TENM3: variants seen among roughly 807,000 people sequenced by gnomAD.
TENM3 encodes teneurin-3.
In TENM3, 63 loss-of-function variants were observed where a neutral mutation model predicts 255.1. The observed-to-expected ratio is 0.25, with a 90% CI of 0.20 to 0.30. TENM3 has a LOEUF of 0.30. Among genes scored for constraint, TENM3 ranks in the 10% least tolerant of loss-of-function variants. The probability of loss-of-function intolerance (pLI) is 1.00; values close to 1 mark genes in which losing one functional copy is unlikely to be tolerated. For missense variants in TENM3, 2,929 were observed against 3,461.1 expected (o/e 0.85, Z 3.86); for synonymous variants, 1,306 against 1,322.3 (o/e 0.99, Z 0.27).
chr4:181,644,731 CA>C, the TENM3 span, among the ~76,000 whole-genome samples: 2 of 151,880 alleles, frequency 1.3e-5, no homozygotes, highest in Non-Finnish European at 2.9e-5. Flanking sequence ...GCTTATTACC[CA>C]GATTCTCACC....
At chr4:181,696,792 G>A in the TENM3 span, among the ~76,000 whole-genome samples, 633 of 152,288 alleles carry the variant, frequency 4.2e-3, 5 homozygotes, top group African/African-American at 0.015. Flanking sequence ...GTGAGTTACA[G>A]GGGCAGAGAT....
chr4:182,655,678 C>T (rs909549667), intron 6 of TENM3, among the ~76,000 whole-genome samples: 2 of 152,120 alleles, frequency 1.3e-5, no homozygotes, highest in South Asian at 2.1e-4. Flanking sequence ...TCCTATCAGT[C>T]GCAGAGGTTT....
chr4:181,687,833 G>GTGC, the TENM3 span, among the ~76,000 whole-genome samples: 1 of 152,148 alleles, frequency 6.6e-6, no homozygotes, highest in Admixed American at 6.5e-5. Context: ...ACTGCTCCAA[G>GTGC]ACCTCTACAA....
At chr4:182,058,537 T>G in the TENM3 span, among the ~76,000 whole-genome samples, 44 of 151,024 alleles carry the variant, frequency 2.9e-4, no homozygotes, top group African/African-American at 1.0e-3. Flanking sequence ...AGCTCCTTTA[T>G]CTAGAACATA....
intron 3 of TENM3, among the ~76,000 whole-genome samples, chr4:182,577,652 G>T (rs530924908): frequency 6.6e-6 from 1 of 152,170 alleles, no homozygotes; most frequent in Non-Finnish European, 1.5e-5. Context: ...AAATGCACGC[G>T]CTCTATTAAC....
chr4:182,642,824 A>G (rs1259518756), intron 5 of TENM3, among the ~76,000 whole-genome samples: 2 of 152,222 alleles, frequency 1.3e-5, no homozygotes, highest in East Asian at 3.8e-4. Context: ...ACTAGAGTGC[A>G]TATTAATATG....
chr4:182,198,823 A>G (rs1347122336), intron 1 of TENM3, among the ~76,000 whole-genome samples: 1 of 152,196 alleles, frequency 6.6e-6, no homozygotes, highest in African/African-American at 2.4e-5. Context: ...CAGGTGTAAA[A>G]CCATGGTCTG....
chr4:182,597,008 C>A (rs1581054163), intron 3 of TENM3, among the ~76,000 whole-genome samples: 1 of 152,300 alleles, frequency 6.6e-6, no homozygotes, highest in East Asian at 1.9e-4. Flanking sequence ...TCCTTAAACA[C>A]TTTTATAGTC....
intron 3 of TENM3, among the ~76,000 whole-genome samples, chr4:182,436,470 A>G (rs1772053980): frequency 6.6e-6 from 1 of 152,134 alleles, no homozygotes; most frequent in Admixed American, 6.5e-5. Flanking sequence ...CTGTTAGGAA[A>G]CTGGTGATGC....
At position 182,393,180 on chromosome 4, in the gene TENM3, T is replaced by C. The variant is rs145360288; in HGVS notation, c.511+46251T>C. ...TACTTAAATCTTTACATCTGAATCCTGTTCCTGCTTATTTTCCTGCACTTG... is the reference window on the plus strand; with the variant it reads ...TACTTAAATCTTTACATCTGAATCCCGTTCCTGCTTATTTTCCTGCACTTG... On this transcript the variant is annotated intron_variant, in intron 3 of 27. Coordinates refer to ENST00000511685, the MANE Select transcript of TENM3 (RefSeq NM_001080477.4). Among the ~76,000 whole-genome samples, 10 of 152,356 alleles carry C rather than the reference T, an allele frequency of 6.6e-5. No individual in the cohort carries two copies. The East Asian group carries it at 1.7e-3, about 27-fold the overall frequency.
intron 3 of TENM3, among the ~76,000 whole-genome samples, chr4:182,532,546 T>TA (rs777055601): frequency 2.1e-4 from 32 of 152,336 alleles, no homozygotes; most frequent in Admixed American, 5.9e-4. Flanking sequence ...GGCATTTTAA[T>TA]AAAAAATTTT....
At chr4:181,665,657 A>G in the TENM3 span, among the ~76,000 whole-genome samples, 1 of 152,116 alleles carries the variant, frequency 6.6e-6, no homozygotes, top group Non-Finnish European at 1.5e-5. Flanking sequence ...ATATACATAT[A>G]CAGACATATT....
At chr4:182,141,715 G>T (rs1377340314), upstream of TENM3, 1 of 152,200 alleles carries the variant, frequency 6.6e-6, no homozygotes, top group African/African-American at 2.4e-5. Flanking sequence ...ATGTAAGAAG[G>T]AACTGGGCTA....
chr4:182,441,529 G>A (rs754645849), intron 3 of TENM3, among the ~76,000 whole-genome samples: 50 of 152,044 alleles, frequency 3.3e-4, no homozygotes, highest in Non-Finnish European at 4.7e-4. Flanking sequence ...ATGGAGTCTC[G>A]CTCTGTTGCC....
the TENM3 span, among the ~76,000 whole-genome samples, chr4:181,764,065 T>C: frequency 6.6e-6 from 1 of 152,194 alleles, no homozygotes; most frequent in Non-Finnish European, 1.5e-5. Flanking sequence ...AGTGGAACAA[T>C]TCAAACTTGA....
Position 182,484,933 on chromosome 4 carries a change from G to A in TENM3, c.512-115991G>A, listed in dbSNP as rs915708531. On this transcript the variant is annotated intron_variant, in intron 3 of 27. Transcript: ENST00000511685. ...GTTCTCTAATGGCCACAGATACTCC[G>A]TGTTTTAAGCCATGTTAGACATTTT... Among the ~76,000 whole-genome samples, 7 of 152,020 alleles carry A rather than the reference G, an allele frequency of 4.6e-5. No homozygotes were observed. In the South Asian group the frequency reaches 1.2e-3, roughly 27 times the overall value.
chr4:182,490,734 G>C (rs1022430238), intron 3 of TENM3, among the ~76,000 whole-genome samples: 1 of 18,440 alleles, frequency 5.4e-5, no homozygotes, highest in Non-Finnish European at 1.3e-4. Flanking sequence ...CTTATGAAGG[G>C]ACTTGGCAAC....
At chr4:181,688,498 AT>A in the TENM3 span, among the ~76,000 whole-genome samples, 45,599 of 151,614 alleles carry the variant, frequency 0.3, 7,570 homozygotes, top group Admixed American at 0.49. Flanking sequence ...TGGTTAAAAC[AT>A]TTTTTTTTAT....
the TENM3 span, among the ~76,000 whole-genome samples, chr4:181,901,521 A>G: frequency 1.3e-5 from 2 of 152,230 alleles, no homozygotes; most frequent in African/African-American, 4.8e-5. Flanking sequence ...GAATTATTTT[A>G]GAGATTTCCA....
Sources: allele counts gnomAD v4.1 joint callset (sites outside exome capture counted in the v4.1 genomes callset), GRCh38; gene constraint gnomAD v4.1.1; transcripts MANE v1.5; gene names NCBI Gene and HGNC (gene_info 2026-07-23, HGNC 2026-07-21).